The following NIPSNAP3B variants were observed in gnomAD, a reference collection of about 807,000 sequenced individuals.
The protein encoded by NIPSNAP3B is protein NipSnap homolog 3B.
Under a neutral mutation model 31.5 loss-of-function variants are expected in NIPSNAP3B, and 30 were observed. The ratio of observed to expected loss-of-function variants is 0.95; its 90% CI spans 0.71 to 1.29. The LOEUF (loss-of-function observed/expected upper bound fraction) is 1.29, where lower values mean the gene tolerates loss of function less well. Ranked by LOEUF, NIPSNAP3B falls within the 50% of genes most tolerant of loss-of-function variation. NIPSNAP3B has a pLI of 0.00. For missense variants in NIPSNAP3B, 269 were observed against 300.7 expected, an observed-to-expected ratio of 0.89 and a Z score of 0.78; for synonymous variants, 106 against 107.9, an observed-to-expected ratio of 0.98 and a Z score of 0.11.
chr9:104,779,719 G>T (rs1828425356), downstream of NIPSNAP3B, among the ~76,000 whole-genome samples: 2 of 150,986 alleles, frequency 1.3e-5, no homozygotes, highest in African/African-American at 4.9e-5. Flanking sequence ...ACAGATAGAA[G>T]AATGTTTTAG....
chr9:104,785,594 G>A, the NIPSNAP3B span: 27 of 1,614,012 alleles, frequency 1.7e-5, 1 homozygote, highest in Non-Finnish European at 2.2e-5. Context: ...TCAGGTCCGG[G>A]TTGGACCCTG....
chr9:104,767,718 C>T (rs1285569049), intron 2 of NIPSNAP3B, among the ~76,000 whole-genome samples: 1 of 152,086 alleles, frequency 6.6e-6, no homozygotes, highest in African/African-American at 2.4e-5. Flanking sequence ...CACTTATGTG[C>T]GTTAGGTGAG....
In NIPSNAP3B at chr9:104,771,805, C is replaced by T. The variant is rs1025966612; in HGVS notation, c.580+807C>T. ...TTTAGCTCTTTGAGGAATCACCATA[C>T]TGCTTTCCATAATGGTTGAACTAAT... On this transcript the variant is annotated intron_variant, in intron 4 of 5. Transcript: ENST00000374762. Among the ~76,000 whole-genome samples, 7 of 152,304 alleles carry T rather than the reference C, an allele frequency of 4.6e-5. No individual in the cohort carries two copies. In the East Asian group the frequency reaches 1.4e-3, roughly 29 times the overall value.
At chr9:104,787,832 A>G in the NIPSNAP3B span, 22 of 1,613,094 alleles carry the variant, frequency 1.4e-5, no homozygotes, top group Non-Finnish European at 1.8e-5. Context: ...AGCCAATCAT[A>G]CAACAGCCCT....
chr9:104,788,586 C>G, the NIPSNAP3B span: 1 of 1,613,874 alleles, frequency 6.2e-7, no homozygotes, highest in Non-Finnish European at 8.5e-7. Context: ...GACAAGAAAA[C>G]TACTTAGATT....
Position 104,777,675 on chromosome 9 carries a change from G to A in NIPSNAP3B, c.*4602G>A, listed in dbSNP as rs565330471. Among the ~76,000 whole-genome samples, 26 of 152,282 alleles carry A rather than the reference G, an allele frequency of 1.7e-4. 1 individual carries two copies. The highest frequency in any genetic ancestry group is 1.7e-3 in the South Asian group (8 of 4,822). On this transcript the variant is annotated 3_prime_UTR_variant, in exon 6 of 6. Coordinates refer to ENST00000374762, the MANE Select transcript of NIPSNAP3B (RefSeq NM_018376.4). ...CTGTAGGATTAAAAGCAAAACAGCA[G>A]AATCAAAAAGGAAGGGCACGATGAT...
the NIPSNAP3B span, chr9:104,787,977 G>A: frequency 2.5e-6 from 4 of 1,614,188 alleles, no homozygotes; most frequent in East Asian, 8.9e-5. Flanking sequence ...GCTTGCGTTT[G>A]TTGCCTCCAC....
chr9:104,772,793 C>G, intron 4 of NIPSNAP3B, 29 bp from the exon 5 acceptor site: 1 of 1,601,054 alleles, frequency 6.2e-7, no homozygotes, highest in East Asian at 2.2e-5. Context: ...CCATATATTT[C>G]AGAAACTACT....
intron 4 of NIPSNAP3B, among the ~76,000 whole-genome samples, chr9:104,771,763 C>T (rs1177685209): frequency 1.3e-5 from 2 of 152,086 alleles, no homozygotes; most frequent in African/African-American, 2.4e-5. Context: ...ATTGTTGGGT[C>T]GAATGGCAGT....
rs1828351985 is a variant in NIPSNAP3B, at chr9:104,777,033, T to TG, written c.*3965dup. The TG allele has an allele frequency of 6.6e-6, 1 of 152,214 alleles. No individual in the cohort carries two copies. The highest frequency in any genetic ancestry group is 1.5e-5 in the Non-Finnish European group (1 of 68,026). The allele number at this position is 152,214 out of a possible 1,614,324, so 9.4% of individuals were successfully genotyped here. ...AATGACTCAGTAGAAGTTCTGGCTATGGGGGAGTGCCATCAATAAATAAAA... is the reference window on the plus strand; with the variant it reads ...AATGACTCAGTAGAAGTTCTGGCTATGGGGGGAGTGCCATCAATAAATAAAA... On this transcript the variant is annotated 3_prime_UTR_variant, in exon 6 of 6. Coordinates refer to ENST00000374762, the MANE Select transcript of NIPSNAP3B (RefSeq NM_018376.4).
chr9:104,774,820 A>C lies in NIPSNAP3B; in HGVS notation c.*1747A>C, dbSNP rs946089671. ...AAGTAATTTAAATGTATAGGTTTAT[A>C]TAATAGCATTGTATTTTTCTCTATT... is the stretch of plus-strand genomic sequence containing the variant. On this transcript the variant is annotated 3_prime_UTR_variant, in exon 6 of 6. Coordinates refer to ENST00000374762, the MANE Select transcript of NIPSNAP3B (RefSeq NM_018376.4). Among the ~76,000 whole-genome samples, 1 of 152,230 alleles carries C rather than the reference A, an allele frequency of 6.6e-6. No individual in the cohort carries two copies. Among genetic ancestry groups the C allele is most frequent in the African/African-American group, 2.4e-5 (1 of 41,456 alleles).
chr9:104,767,761 C>T (rs1828119104), intron 2 of NIPSNAP3B, among the ~76,000 whole-genome samples: 1 of 152,052 alleles, frequency 6.6e-6, no homozygotes, highest in Non-Finnish European at 1.5e-5. Context: ...TTAAACTGCT[C>T]GTAAAGTCTT....
At chr9:104,767,866 A>G (rs1472509018) in intron 2 of NIPSNAP3B, among the ~76,000 whole-genome samples, 1 of 152,146 alleles carries the variant, frequency 6.6e-6, no homozygotes, top group Non-Finnish European at 1.5e-5. Flanking sequence ...AAAAGTAAAT[A>G]TACTATAGTT....
At chr9:104,784,714 G>A in the NIPSNAP3B span, among the ~76,000 whole-genome samples, 1 of 152,174 alleles carries the variant, frequency 6.6e-6, no homozygotes, top group African/African-American at 2.4e-5. Flanking sequence ...CGAGACCTTG[G>A]CTCACTGTAA....
At chr9:104,788,732 T>A in the NIPSNAP3B span, among the ~76,000 whole-genome samples, 1 of 152,232 alleles carries the variant, frequency 6.6e-6, no homozygotes, top group East Asian at 1.9e-4. Flanking sequence ...TGCTAGCTCT[T>A]CCTGGCAGGC....
At chr9:104,787,972 C>A in the NIPSNAP3B span, 1 of 1,614,186 alleles carries the variant, frequency 6.2e-7, no homozygotes, top group Non-Finnish European at 8.5e-7. Flanking sequence ...AGAGAGCTTG[C>A]GTTTGTTGCC....
downstream of NIPSNAP3B, among the ~76,000 whole-genome samples, chr9:104,778,766 C>T (rs1264568086): frequency 6.6e-6 from 1 of 152,180 alleles, no homozygotes; most frequent in Non-Finnish European, 1.5e-5. Flanking sequence ...TTAGTTCAAT[C>T]CACCATTATC....
chr9:104,786,247 A>G, the NIPSNAP3B span: 2 of 1,416,502 alleles, frequency 1.4e-6, no homozygotes, highest in Non-Finnish European at 2.0e-6. Context: ...CAAAAGAATA[A>G]ATATCAAGCC....
rs1444247211 is a variant in NIPSNAP3B, at chr9:104,776,247, G to A, written c.*3174G>A. On this transcript the variant is annotated 3_prime_UTR_variant, in exon 6 of 6. Coordinates refer to ENST00000374762, the MANE Select transcript of NIPSNAP3B (RefSeq NM_018376.4). ...GGGTCCATTCCCACTGCCTCTGCCTGGAATGCTCTTCCCCAGACATGCATC... is the reference window on the plus strand; with the variant it reads ...GGGTCCATTCCCACTGCCTCTGCCTAGAATGCTCTTCCCCAGACATGCATC... Among the ~76,000 whole-genome samples the A allele has an allele frequency of 6.6e-6, 1 of 152,120 alleles. No homozygotes were observed. The highest frequency in any genetic ancestry group is 1.5e-5 in the Non-Finnish European group (1 of 68,018).
Sources: allele counts gnomAD v4.1 joint callset (sites outside exome capture counted in the v4.1 genomes callset), GRCh38; gene constraint gnomAD v4.1.1; transcripts MANE v1.5; gene names NCBI Gene and HGNC (gene_info 2026-07-23, HGNC 2026-07-21).